The following ULK4 variants were observed in gnomAD, a reference collection of about 807,000 sequenced individuals.
The protein encoded by ULK4 is inactive serine/threonine-protein kinase ULK4.
In ULK4, 133 loss-of-function variants were observed where a neutral mutation model predicts 160.6. The ratio of observed to expected loss-of-function variants is 0.83; its 90% confidence interval spans 0.72 to 0.96. The LOEUF is 0.96. Ranked by LOEUF, ULK4 falls within the 40% of genes least tolerant of loss-of-function variation. ULK4 has a pLI of 0.00. For missense variants in ULK4, 1,580 were observed against 1,499.5 expected, an observed-to-expected ratio of 1.05 and a Z score of -0.89; for synonymous variants, 534 against 539.8, an observed-to-expected ratio of 0.99 and a Z score of 0.15.
intron 17 of ULK4, among the ~76,000 whole-genome samples, chr3:41,872,894 C>A (rs1381200658): frequency 1.3e-5 from 2 of 151,610 alleles, no homozygotes; most frequent in Non-Finnish European, 2.9e-5. Context: ...GTGGCTCATG[C>A]CTGTAATCCC....
intron 35 of ULK4, among the ~76,000 whole-genome samples, chr3:41,306,241 G>C (rs1396373445): frequency 1.1e-5 from 1 of 94,982 alleles, no homozygotes; most frequent in African/African-American, 6.2e-5. Context: ...CCCCCCGCCC[G>C]GCCAGCCGCC....
At chr3:41,940,872 C>G (rs913211540) in intron 2 of ULK4, among the ~76,000 whole-genome samples, 1 of 151,962 alleles carries the variant, frequency 6.6e-6, no homozygotes, top group Non-Finnish European at 1.5e-5. Flanking sequence ...ATGCAAAAGC[C>G]TATCTGTTAA....
At chr3:41,531,084 G>T (rs570167286) in intron 32 of ULK4, among the ~76,000 whole-genome samples, 1 of 150,586 alleles carries the variant, frequency 6.6e-6, no homozygotes, top group Admixed American at 6.6e-5. Context: ...TAATATCAAG[G>T]AATGCCCAGT....
chr3:41,471,249 TAAAG>T (rs1257641929), intron 32 of ULK4, among the ~76,000 whole-genome samples: 2 of 151,710 alleles, frequency 1.3e-5, no homozygotes, highest in African/African-American at 4.8e-5. Flanking sequence ...CAGAAAGCAA[TAAAG>T]AAAGAAGTTA....
intron 30 of ULK4, among the ~76,000 whole-genome samples, chr3:41,616,059 G>A (rs1325222308): frequency 1.3e-5 from 2 of 152,144 alleles, no homozygotes; most frequent in Non-Finnish European, 2.9e-5. Flanking sequence ...TCTCTGCACT[G>A]TTAAATCATA....
chr3:41,464,707 G>A (rs1189076805), intron 32 of ULK4, among the ~76,000 whole-genome samples: 1 of 152,170 alleles, frequency 6.6e-6, no homozygotes, highest in Non-Finnish European at 1.5e-5. Context: ...TCATTTGGGG[G>A]TTCCTGATGA....
rs1559675154 is a variant in ULK4, at chr3:41,954,706, G to A, written c.54C>T (p.Val18=). 2 of 1,613,866 alleles carry A rather than the reference G, an allele frequency of 1.2e-6. No individual in the cohort carries two copies. Among genetic ancestry groups the A allele is most frequent in the Non-Finnish European group, 1.7e-6 (2 of 1,179,916 alleles). The change falls in exon 2 of 37, where the codon GTC becomes GTT. Residue 18 remains valine, a synonymous_variant. Transcript: ENST00000301831. ...TTGTTCCCTTCCGTCGCCCTTTATA[G>A]ACAACAGTCTTGCTTCCTCTTCCGA... is the stretch of plus-strand genomic sequence containing the variant. ...EEIGRGSKTV[V]YKGRRKGTIN... is the part of the protein sequence containing the mutation.
chr3:41,935,251 G>A (rs1214112712), intron 4 of ULK4, among the ~76,000 whole-genome samples: 8 of 131,064 alleles, frequency 6.1e-5, no homozygotes, highest in Non-Finnish European at 9.1e-5. Context: ...TTTTTGAGAC[G>A]GAGTCTTGCT....
intron 20 of ULK4, among the ~76,000 whole-genome samples, chr3:41,796,929 T>C (rs894162193): frequency 1.9e-4 from 29 of 152,032 alleles, no homozygotes; most frequent in African/African-American, 6.5e-4. Flanking sequence ...TGCTCAGTGA[T>C]AGAAATAAGT....
intron 35 of ULK4, among the ~76,000 whole-genome samples, chr3:41,299,127 C>T (rs2079731445): frequency 6.6e-6 from 1 of 152,172 alleles, no homozygotes; most frequent in Non-Finnish European, 1.5e-5. Context: ...TTGTGCAGAT[C>T]CAAGCCTAGA....
chr3:41,864,691 G>A (rs1613759), intron 17 of ULK4, among the ~76,000 whole-genome samples: 47,249 of 151,650 alleles, frequency 0.31, 10,723 homozygotes, highest in African/African-American at 0.65. Context: ...AAGCAAGCAG[G>A]TTGCTTGAGT....
intron 2 of ULK4, among the ~76,000 whole-genome samples, chr3:41,953,387 C>G (rs1377440068): frequency 1.3e-5 from 2 of 149,880 alleles, no homozygotes; most frequent in Non-Finnish European, 3.0e-5. Flanking sequence ...ACTGCAACCT[C>G]TGCCTCCCCG....
intron 35 of ULK4, among the ~76,000 whole-genome samples, chr3:41,335,057 A>G (rs896510728): frequency 2.6e-5 from 4 of 152,236 alleles, no homozygotes; most frequent in African/African-American, 9.6e-5. Flanking sequence ...TACACAAATA[A>G]GAAAAACAAA....
chr3:41,660,726 C>A (rs2035124126), intron 30 of ULK4, among the ~76,000 whole-genome samples: 1 of 152,098 alleles, frequency 6.6e-6, no homozygotes, highest in Admixed American at 6.6e-5. Flanking sequence ...CCATAACTGA[C>A]ATGAGGCAAG....
intron 30 of ULK4, among the ~76,000 whole-genome samples, chr3:41,650,735 C>T (rs908570739): frequency 1.3e-5 from 2 of 152,274 alleles, no homozygotes; most frequent in African/African-American, 2.4e-5. Flanking sequence ...AAAACTCAGG[C>T]GAAGGCGCCA....
chr3:41,686,989 G>A (rs1288106540), intron 27 of ULK4, among the ~76,000 whole-genome samples: 1 of 152,118 alleles, frequency 6.6e-6, no homozygotes, highest in Admixed American at 6.5e-5. Flanking sequence ...AGTGTGAGGT[G>A]GGAGGATAGC....
At chr3:41,552,765 CAAA>C (rs1389396003) in intron 32 of ULK4, among the ~76,000 whole-genome samples, 3 of 151,190 alleles carry the variant, frequency 2.0e-5, no homozygotes, top group Non-Finnish European at 4.4e-5. Context: ...ATATGGAACC[CAAA>C]AAGAGCCCAA....
chr3:41,300,614 A>G (rs893854803), intron 35 of ULK4, among the ~76,000 whole-genome samples: 3 of 151,660 alleles, frequency 2.0e-5, no homozygotes, highest in Admixed American at 1.3e-4. Context: ...CAATGCATGC[A>G]CAAAGTCACT....
chr3:41,700,303 G>T (rs1322333924), intron 27 of ULK4, among the ~76,000 whole-genome samples: 1 of 152,106 alleles, frequency 6.6e-6, no homozygotes, highest in Admixed American at 6.5e-5. Flanking sequence ...ACAAACAAAG[G>T]TTATCAGTGG....
Sources: gnomAD v4.1 joint callset for allele counts (sites outside exome capture counted in the v4.1 genomes callset) on GRCh38, gnomAD v4.1.1 for gene constraint, MANE v1.5 for transcripts, NCBI Gene and HGNC (gene_info 2026-07-23, HGNC 2026-07-21) for gene names.